Variants in MTHFD2L observed in about 807,000 individuals in gnomAD.
MTHFD2L encodes methylenetetrahydrofolate dehydrogenase (NADP+ dependent) 2 like.
A neutral mutation model predicts 34.9 loss-of-function variants in MTHFD2L; 29 were observed. The ratio of observed to expected loss-of-function variants is 0.83; its 90% CI spans 0.62 to 1.13. The LOEUF (loss-of-function observed/expected upper bound fraction) is 1.13. Ranked by LOEUF, MTHFD2L falls within the 50% of genes most tolerant of loss-of-function variation. The probability of loss-of-function intolerance (pLI) is 0.00; values close to 1 mark genes in which losing one functional copy is unlikely to be tolerated. For synonymous variants in MTHFD2L, 167 were observed against 155.7 expected, an observed-to-expected ratio of 1.07 and a Z score of -0.54; for missense variants, 481 against 446.5, an observed-to-expected ratio of 1.08 and a Z score of -0.70.
At position 74,205,066 on chromosome 4, in the gene MTHFD2L, C is replaced by T. The variant is rs933334553; in HGVS notation, c.712+3696C>T. On this transcript the variant is annotated intron_variant, in intron 5 of 7. Coordinates refer to ENST00000325278, the MANE Select transcript of MTHFD2L (RefSeq NM_001144978.3). ...CTTTATTATAGTGGTACCTGGGTGC[C>T]GTTAGAATTACAGTAACTAAAAGGT... 4.0e-5 allele frequency among the ~76,000 whole-genome samples: 6 copies of T among 151,862 alleles called. No homozygotes were observed. In the East Asian group the frequency reaches 7.7e-4, roughly 19 times the overall value.
chr4:74,253,674 G>A (rs931902844), intron 6 of MTHFD2L, among the ~76,000 whole-genome samples: 4 of 152,098 alleles, frequency 2.6e-5, no homozygotes, highest in African/African-American at 9.7e-5. Context: ...CTCCAGGCAA[G>A]CACCAGAGGA....
chr4:74,264,547 GA>G (rs987470643), intron 6 of MTHFD2L, among the ~76,000 whole-genome samples: 27 of 151,736 alleles, frequency 1.8e-4, no homozygotes, highest in Non-Finnish European at 3.7e-4. Flanking sequence ...AAAGGAATGA[GA>G]AAAAATTAGA....
intron 3 of MTHFD2L, chr4:74,194,465 T>C (rs1733133868): frequency 6.6e-6 from 1 of 152,292 alleles, no homozygotes; most frequent in Admixed American, 6.5e-5. Context: ...GATAGTTGTT[T>C]TTGTATTTTT....
Position 74,301,791 on chromosome 4 carries a change from T to TA in MTHFD2L, c.1033dup (p.Ile345AsnfsTer10), listed in dbSNP as rs761538540. On this transcript the variant is annotated frameshift_variant, in exon 8 of 8. Coordinates refer to ENST00000325278, the MANE Select transcript of MTHFD2L (RefSeq NM_001144978.3). LOFTEE classifies it high-confidence loss of function. The stretch of plus-strand genomic sequence containing the variant: ...TTCTGAAGAACACCCTTCTGGCAGC[T>TA]AAAAAAATCATTTACTAGATCACAT... The TA allele has an allele frequency of 5.0e-6, 8 of 1,604,586 alleles. No homozygotes were observed. Among genetic ancestry groups the TA allele is most frequent in the African/African-American group, 2.7e-5 (2 of 74,380 alleles).
At chr4:74,245,194 C>CAAAAAAAAAAAAAAAAA (rs57639523) in intron 6 of MTHFD2L, among the ~76,000 whole-genome samples, 1 of 66,362 alleles carries the variant, frequency 1.5e-5, no homozygotes, top group Non-Finnish European at 2.6e-5. Context: ...GACTCAGTCT[C>CAAAAAAAAAAAAAAAAA]AAAAAAAAAA....
intron 3 of MTHFD2L, among the ~76,000 whole-genome samples, chr4:74,197,895 A>T (rs138234462): frequency 8.2e-4 from 124 of 152,082 alleles, no homozygotes; most frequent in African/African-American, 2.7e-3. Flanking sequence ...AAAAAGATAT[A>T]TGTTAGATTT....
intron 5 of MTHFD2L, among the ~76,000 whole-genome samples, chr4:74,216,507 A>T (rs1737234468): frequency 6.6e-6 from 1 of 151,838 alleles, no homozygotes; most frequent in African/African-American, 2.4e-5. Flanking sequence ...TTTTTTATTC[A>T]TAGCCAGTCC....
At chr4:74,121,772 A>G (rs551665277), upstream of MTHFD2L, among the ~76,000 whole-genome samples, 34 of 150,340 alleles carry the variant, frequency 2.3e-4, no homozygotes, top group African/African-American at 8.0e-4. Flanking sequence ...AATAAAGTAT[A>G]CAATAAATGT....
At chr4:74,286,266 T>A (rs1463746203) in intron 7 of MTHFD2L, among the ~76,000 whole-genome samples, 1 of 152,202 alleles carries the variant, frequency 6.6e-6, no homozygotes, top group Non-Finnish European at 1.5e-5. Context: ...TTATTTTGCA[T>A]GTCTAAGAAT....
chr4:74,223,565 G>A (rs989229462), intron 5 of MTHFD2L, among the ~76,000 whole-genome samples: 5 of 151,784 alleles, frequency 3.3e-5, no homozygotes, highest in African/African-American at 4.8e-5. Context: ...ATAAACCCTC[G>A]TGACATGAGC....
intron 6 of MTHFD2L, among the ~76,000 whole-genome samples, chr4:74,252,167 C>T (rs1031880844): frequency 1.3e-5 from 2 of 152,374 alleles, no homozygotes; most frequent in African/African-American, 4.8e-5. Flanking sequence ...TAGCTTGCGG[C>T]TCCTGCAGCA....
chr4:74,190,387 A>C, intron 3 of MTHFD2L: 1 of 770,514 alleles, frequency 1.3e-6, no homozygotes, highest in Non-Finnish European at 1.6e-6. Flanking sequence ...CAACTTCATT[A>C]ATTTTTATTT....
At chr4:74,131,413 G>T (rs1250451403) in intron 1 of MTHFD2L, among the ~76,000 whole-genome samples, 1 of 151,996 alleles carries the variant, frequency 6.6e-6, no homozygotes, top group Non-Finnish European at 1.5e-5. Flanking sequence ...CAGAACATAG[G>T]CCTCAGAAAT....
chr4:74,244,898 A>C (rs1388114239), intron 6 of MTHFD2L, among the ~76,000 whole-genome samples: 6 of 152,136 alleles, frequency 3.9e-5, no homozygotes. Context: ...AAGAAGATTT[A>C]AGAATCTAGT....
At chr4:74,245,027 T>C (rs1003958024) in intron 6 of MTHFD2L, among the ~76,000 whole-genome samples, 14 of 152,030 alleles carry the variant, frequency 9.2e-5, no homozygotes, top group Middle Eastern at 3.4e-3. Flanking sequence ...ACCCCGTCTC[T>C]ACTAAAAATA....
At chr4:74,296,133 G>T (rs751946676) in intron 7 of MTHFD2L, among the ~76,000 whole-genome samples, 1 of 152,104 alleles carries the variant, frequency 6.6e-6, no homozygotes, top group African/African-American at 2.4e-5. Flanking sequence ...GCATGTGTGG[G>T]AACAGTGACT....
At chr4:74,176,207 T>C (rs950825929) in intron 3 of MTHFD2L, among the ~76,000 whole-genome samples, 1 of 152,072 alleles carries the variant, frequency 6.6e-6, no homozygotes, top group East Asian at 1.9e-4. Flanking sequence ...CGTAACTACG[T>C]CTCTCCAAAG....
At chr4:74,185,013 G>A (rs770531773) in intron 3 of MTHFD2L, among the ~76,000 whole-genome samples, 8 of 151,696 alleles carry the variant, frequency 5.3e-5, no homozygotes, top group Non-Finnish European at 7.4e-5. Context: ...TTAGCTGGGC[G>A]TGGTAGCAGA....
At chr4:74,138,654 G>C in intron 1 of MTHFD2L, among the ~76,000 whole-genome samples, 1 of 152,210 alleles carries the variant, frequency 6.6e-6, no homozygotes, top group South Asian at 2.1e-4. Context: ...CGGAGGAGTG[G>C]AAGTCAATGG....
Sources: gnomAD v4.1 joint callset for allele counts (sites outside exome capture counted in the v4.1 genomes callset) on GRCh38, gnomAD v4.1.1 for gene constraint, MANE v1.5 for transcripts, NCBI Gene and HGNC (gene_info 2026-07-23, HGNC 2026-07-21) for gene names.